Variants in NLGN1 observed in about 807,000 individuals in gnomAD.
NLGN1 encodes neuroligin-1.
NLGN1 carries 12 observed loss-of-function variants against 65.5 expected under a neutral mutation model. The observed-to-expected ratio is 0.18, with a 90% CI of 0.12 to 0.30. The LOEUF is 0.30. NLGN1 is among the 10% of genes least tolerant of loss of function. The probability of loss-of-function intolerance (pLI) is 1.00; values close to 1 mark genes in which losing one functional copy is unlikely to be tolerated. For missense variants in NLGN1, 750 were observed against 1,007.1 expected (o/e 0.74, Z 3.46); for synonymous variants, 350 against 359.5 (o/e 0.97, Z 0.30).
intron 3 of NLGN1, among the ~76,000 whole-genome samples, chr3:173,622,087 A>G (rs1349722230): frequency 6.6e-6 from 1 of 152,136 alleles, no homozygotes; most frequent in Non-Finnish European, 1.5e-5. Flanking sequence ...GTCATTTCTG[A>G]GCTGTGTATA....
At chr3:174,240,988 A>G (rs1041522609) in intron 4 of NLGN1, among the ~76,000 whole-genome samples, 2 of 152,152 alleles carry the variant, frequency 1.3e-5, no homozygotes, top group African/African-American at 2.4e-5. Context: ...CTACTTTACC[A>G]TTGAGATGGC....
chr3:173,920,100 A>G (rs1741674869), intron 4 of NLGN1, among the ~76,000 whole-genome samples: 1 of 151,962 alleles, frequency 6.6e-6, no homozygotes, highest in African/African-American at 2.4e-5. Flanking sequence ...TGAAAATTCT[A>G]ATGTTGATCT....
intron 1 of NLGN1, among the ~76,000 whole-genome samples, chr3:173,432,457 G>T (rs11925768): frequency 0.029 from 4,379 of 152,144 alleles, 210 homozygotes; most frequent in African/African-American, 0.1. Flanking sequence ...AGTGTTTTAA[G>T]TTGCATTTCT....
At chr3:173,459,842 A>G (rs1269664479) in intron 2 of NLGN1, among the ~76,000 whole-genome samples, 2 of 152,086 alleles carry the variant, frequency 1.3e-5, no homozygotes, top group Non-Finnish European at 2.9e-5. Context: ...TGTATCAAAT[A>G]CATATTTTTA....
At chr3:174,256,584 T>C (rs1440542095) in intron 4 of NLGN1, among the ~76,000 whole-genome samples, 1 of 152,142 alleles carries the variant, frequency 6.6e-6, no homozygotes, top group Non-Finnish European at 1.5e-5. Flanking sequence ...TTGGTACTTC[T>C]ATGTGCAACG....
intron 2 of NLGN1, among the ~76,000 whole-genome samples, chr3:173,594,489 T>G (rs1164487863): frequency 6.6e-6 from 1 of 152,194 alleles, no homozygotes; most frequent in Non-Finnish European, 1.5e-5. Flanking sequence ...CTTTGCAGGG[T>G]CCAACCTCCC....
chr3:174,018,349 G>A (rs189643902), intron 4 of NLGN1, among the ~76,000 whole-genome samples: 101 of 152,214 alleles, frequency 6.6e-4, no homozygotes, highest in African/African-American at 2.2e-3. Flanking sequence ...ACAGGATTAC[G>A]AGATTAAAGT....
At chr3:173,861,563 C>G (rs955580713) in intron 4 of NLGN1, among the ~76,000 whole-genome samples, 3 of 142,838 alleles carry the variant, frequency 2.1e-5, no homozygotes, top group Admixed American at 2.1e-4. Flanking sequence ...TGTGTATATA[C>G]ACACACACAT....
intron 4 of NLGN1, among the ~76,000 whole-genome samples, chr3:174,138,650 G>C (rs1409385303): frequency 6.6e-6 from 1 of 151,894 alleles, no homozygotes; most frequent in Non-Finnish European, 1.5e-5. Flanking sequence ...TAGCCAGGAT[G>C]GTCTTGATCT....
At chr3:173,997,344 A>G (rs941682631) in intron 4 of NLGN1, among the ~76,000 whole-genome samples, 4 of 152,166 alleles carry the variant, frequency 2.6e-5, no homozygotes, top group African/African-American at 9.7e-5. Context: ...CCAGACATCC[A>G]TATTAATTGA....
chr3:174,092,452 G>A (rs1744700835), intron 4 of NLGN1, among the ~76,000 whole-genome samples: 1 of 151,738 alleles, frequency 6.6e-6, no homozygotes, highest in Non-Finnish European at 1.5e-5. Flanking sequence ...CTTCATATAT[G>A]CTCTAAGAGC....
chr3:173,517,227 G>C (rs779682044), intron 2 of NLGN1, among the ~76,000 whole-genome samples: 209 of 152,112 alleles, frequency 1.4e-3, no homozygotes, highest in Non-Finnish European at 2.5e-3. Context: ...GTTTCTCATG[G>C]CCCTTAAATG....
intron 4 of NLGN1, among the ~76,000 whole-genome samples, chr3:173,857,012 G>A (rs1036636876): frequency 1.1e-4 from 12 of 106,520 alleles, no homozygotes; most frequent in Non-Finnish European, 2.3e-4. Context: ...TTTGCAAAAG[G>A]CGTTAGATAA....
intron 2 of NLGN1, among the ~76,000 whole-genome samples, chr3:173,445,776 T>C (rs1255034730): frequency 2.0e-5 from 3 of 152,214 alleles, no homozygotes; most frequent in African/African-American, 7.2e-5. Context: ...AAGCCAAGCA[T>C]TATTTTAGAA....
At position 173,816,923 on chromosome 3, in the gene NLGN1, T is replaced by A. The variant is rs576031710; in HGVS notation, c.646+9091T>A. Among the ~76,000 whole-genome samples the A allele has an allele frequency of 2.0e-5, 3 of 152,394 alleles. No individual in the cohort carries two copies. In the South Asian group the frequency reaches 6.2e-4, roughly 32 times the overall value. ...GTGCCATCTCCCTTTTAAAATTGTC[T>A]GCATTACTGCATTACAGTTATCATC... On this transcript the variant is annotated intron_variant, in intron 4 of 6. Transcript: ENST00000457714.
intron 4 of NLGN1, among the ~76,000 whole-genome samples, chr3:174,104,610 G>A (rs983463916): frequency 6.6e-6 from 1 of 152,122 alleles, no homozygotes; most frequent in East Asian, 1.9e-4. Flanking sequence ...ATAAAAACAT[G>A]CACTTGAATT....
intron 4 of NLGN1, among the ~76,000 whole-genome samples, chr3:174,150,873 T>C (rs1724184664): frequency 6.6e-6 from 1 of 152,016 alleles, no homozygotes; most frequent in African/African-American, 2.4e-5. Flanking sequence ...CAAAAATTAG[T>C]CCTGTAGCAT....
At chr3:173,871,454 C>T (rs1263749409) in intron 4 of NLGN1, among the ~76,000 whole-genome samples, 3 of 152,138 alleles carry the variant, frequency 2.0e-5, no homozygotes, top group Non-Finnish European at 2.9e-5. Flanking sequence ...AGCCACTAGA[C>T]GTAGACAGAT....
intron 3 of NLGN1, among the ~76,000 whole-genome samples, chr3:173,683,535 G>A (rs1488428654): frequency 6.6e-6 from 1 of 152,132 alleles, no homozygotes; most frequent in Non-Finnish European, 1.5e-5. Context: ...ATTTGAGGTA[G>A]TAACTCAAAA....
Sources: allele counts gnomAD v4.1 joint callset (sites outside exome capture counted in the v4.1 genomes callset), GRCh38; gene constraint gnomAD v4.1.1; transcripts MANE v1.5; gene names NCBI Gene and HGNC (gene_info 2026-07-23, HGNC 2026-07-21).